The following CHL1 variants were observed in gnomAD, a reference collection of about 807,000 sequenced individuals.
CHL1 encodes neural cell adhesion molecule L1-like protein.
In CHL1, 96 loss-of-function variants were observed where a neutral mutation model predicts 141.9. The observed-to-expected ratio is 0.68, with a 90% CI of 0.57 to 0.80. The LOEUF (loss-of-function observed/expected upper bound fraction) is 0.80, where lower values mean the gene tolerates loss of function less well. Ranked by LOEUF, CHL1 falls within the 30% of genes least tolerant of loss-of-function variation. CHL1 has a pLI of 0.00. For synonymous variants in CHL1, 613 were observed against 502.2 expected, an observed-to-expected ratio of 1.22 and a Z score of -2.95; for missense variants, 1,820 against 1,457.2, an observed-to-expected ratio of 1.25 and a Z score of -4.05.
At chr3:360,262 G>C (rs915687679) in intron 11 of CHL1, 22 bp from the exon 12 acceptor site, 5 of 1,612,494 alleles carry the variant, frequency 3.1e-6, no homozygotes, top group Non-Finnish European at 4.2e-6. Flanking sequence ...TTATCAAACT[G>C]ACATTCTTTA....
chr3:219,011 T>C (rs985425150), intron 1 of CHL1, among the ~76,000 whole-genome samples: 3 of 152,008 alleles, frequency 2.0e-5, no homozygotes, highest in Admixed American at 6.6e-5. Context: ...TAGCTGGGCA[T>C]GGTGGCGGGC....
chr3:289,034 AC>A (rs552777990), intron 2 of CHL1, among the ~76,000 whole-genome samples: 223 of 152,302 alleles, frequency 1.5e-3, no homozygotes, highest in African/African-American at 4.6e-3. Context: ...AGGTCAAATG[AC>A]AATGCGAAGG....
At chr3:253,194 C>T (rs981473253) in intron 2 of CHL1, among the ~76,000 whole-genome samples, 1 of 152,014 alleles carries the variant, frequency 6.6e-6, no homozygotes, top group African/African-American at 2.4e-5. Context: ...ACATGGTAAA[C>T]TCTCAATATT....
At chr3:319,591 C>CAA (rs35995557) in intron 2 of CHL1, 92 bp from the exon 3 acceptor site, 3,456 of 302,980 alleles carry the variant, frequency 0.011, no homozygotes, top group South Asian at 0.022. Flanking sequence ...ACTGCCAAAC[C>CAA]AAAAAAAAAA....
intron 2 of CHL1, among the ~76,000 whole-genome samples, chr3:315,563 T>C (rs772985575): frequency 1.6e-4 from 25 of 152,266 alleles, no homozygotes; most frequent in South Asian, 1.0e-3. Context: ...ATAATACTCA[T>C]GATGTGTATG....
rs955437130 is a variant in CHL1, at chr3:394,726, A to G, written c.2948A>G (p.Asp983Gly). The stretch of plus-strand genomic sequence containing the variant: ...ACCTACGAGATTGGAGAATTAAATG[A>G]TATTAACATTACAACTCCATCAAAG... ...NDTYEIGELN[D>G]INITTPSKPS... The change falls in exon 24 of 28, where the codon GAT becomes GGT. Residue 983 changes from aspartate to glycine, a missense_variant. Asp to Gly is a moderately conservative substitution (Grantham distance 94). Transcript: ENST00000256509. 5 of 1,613,346 alleles carry G rather than the reference A, an allele frequency of 3.1e-6. No homozygotes were observed. Among genetic ancestry groups the G allele is most frequent in the Non-Finnish European group, 4.2e-6 (5 of 1,179,586 alleles).
chr3:246,133 T>A (rs896561935), intron 2 of CHL1, among the ~76,000 whole-genome samples: 1 of 152,120 alleles, frequency 6.6e-6, no homozygotes, highest in Admixed American at 6.6e-5. Flanking sequence ...AATTTCTAGT[T>A]CATAAGAAAC....
At chr3:217,485 A>C (rs570638868) in intron 1 of CHL1, 1 of 152,178 alleles carries the variant, frequency 6.6e-6, no homozygotes, top group South Asian at 2.1e-4. Flanking sequence ...ATGGGAGGAG[A>C]AACTTACTTT....
intron 11 of CHL1, 93 bp downstream of exon 11, chr3:354,864 T>C: frequency 6.7e-7 from 1 of 1,500,994 alleles, no homozygotes; most frequent in Non-Finnish European, 9.1e-7. Context: ...AGTTGGTATG[T>C]GGTTGGATTA....
chr3:226,374 T>TATA (rs1553577519), intron 1 of CHL1, among the ~76,000 whole-genome samples: 22 of 144,296 alleles, frequency 1.5e-4, no homozygotes, highest in East Asian at 4.0e-4. Context: ...ATAGAATATT[T>TATA]TATATATATA....
chr3:217,143 A>G (rs1222663042), intron 1 of CHL1, among the ~76,000 whole-genome samples: 1 of 152,044 alleles, frequency 6.6e-6, no homozygotes, highest in East Asian at 1.9e-4. Context: ...ATTTGGTTTG[A>G]TTATTAATAG....
At chr3:290,091 C>T (rs147100453) in intron 2 of CHL1, among the ~76,000 whole-genome samples, 45 of 152,064 alleles carry the variant, frequency 3.0e-4, no homozygotes, top group Admixed American at 6.5e-4. Context: ...TTATAGCCTC[C>T]TTGTGCTTAA....
intron 1 of CHL1, among the ~76,000 whole-genome samples, chr3:215,627 C>T (rs1700253910): frequency 6.6e-6 from 1 of 152,110 alleles, no homozygotes; most frequent in Non-Finnish European, 1.5e-5. Context: ...TGTATCCAAT[C>T]ATTATGATGT....
intron 1 of CHL1, among the ~76,000 whole-genome samples, chr3:242,965 G>A (rs1244043731): frequency 6.6e-6 from 1 of 152,148 alleles, no homozygotes; most frequent in Non-Finnish European, 1.5e-5. Context: ...GGTAAGAAGT[G>A]GGGACCCATT....
At chr3:285,343 A>T (rs888475879) in intron 2 of CHL1, among the ~76,000 whole-genome samples, 6 of 152,222 alleles carry the variant, frequency 3.9e-5, no homozygotes, top group Non-Finnish European at 8.8e-5. Flanking sequence ...CATTTTCTCT[A>T]TAAAATGCCA....
chr3:221,391 A>G (rs550065169), intron 1 of CHL1, among the ~76,000 whole-genome samples: 1 of 152,368 alleles, frequency 6.6e-6, no homozygotes, highest in South Asian at 2.1e-4. Context: ...TTCAAGTACT[A>G]TCACAGAAGA....
At chr3:269,328 AAAG>A in intron 2 of CHL1, among the ~76,000 whole-genome samples, 1 of 152,174 alleles carries the variant, frequency 6.6e-6, no homozygotes, top group East Asian at 1.9e-4. Flanking sequence ...GGTGCACGTG[AAAG>A]AAGGAGACTT....
intron 2 of CHL1, among the ~76,000 whole-genome samples, chr3:317,788 G>C (rs902006459): frequency 6.6e-6 from 1 of 151,702 alleles, no homozygotes; most frequent in East Asian, 1.9e-4. Context: ...CTCACCTTTT[G>C]TAGTTAAGGC....
intron 14 of CHL1, among the ~76,000 whole-genome samples, chr3:365,605 C>A (rs1321875858): frequency 2.6e-5 from 4 of 152,318 alleles, no homozygotes; most frequent in Admixed American, 2.6e-4. Context: ...TTTTCCTTTA[C>A]AGTGCTTTGA....
Sources: gnomAD v4.1 joint callset for allele counts (sites outside exome capture counted in the v4.1 genomes callset) on GRCh38, gnomAD v4.1.1 for gene constraint, MANE v1.5 for transcripts, NCBI Gene and HGNC (gene_info 2026-07-23, HGNC 2026-07-21) for gene names.